The following CRHR1 variants were observed in gnomAD, a reference collection of about 807,000 sequenced individuals.
CRHR1 encodes corticotropin-releasing hormone receptor 1.
A neutral mutation model predicts 56.0 loss-of-function variants in CRHR1; 28 were observed. That is an observed-to-expected ratio of 0.50 (90% CI 0.37 to 0.69). The LOEUF (loss-of-function observed/expected upper bound fraction) is 0.69. CRHR1 is among the 30% of genes least tolerant of loss of function. The pLI, the probability that CRHR1 is intolerant of heterozygous loss-of-function variation, is 0.00. For missense variants in CRHR1, 376 were observed against 548.0 expected (o/e 0.69, Z 3.13); for synonymous variants, 195 against 216.5 (o/e 0.90, Z 0.87).
rs754433347 is a variant in CRHR1, at chr17:45,834,809, GA to G, written c.*46del. ...GCCCCCAAAGAGCTGTGGCTGGGGG[GA>G]TGACGGCCAGGCTCCCTGACCACCC... On this transcript the variant is annotated 3_prime_UTR_variant, in exon 13 of 13. Transcript: ENST00000314537. 8.7e-6 allele frequency: 14 copies of G among 1,610,618 alleles called. No homozygotes were observed. The Admixed American group carries it at 2.3e-4, about 27-fold the overall frequency.
chr17:45,785,995 AGTT>A (rs1387579737), intron 1 of CRHR1, among the ~76,000 whole-genome samples: 25 of 152,214 alleles, frequency 1.6e-4, no homozygotes, highest in Non-Finnish European at 3.1e-4. Flanking sequence ...GAGGTCGAGT[AGTT>A]GGCACTGAAT....
intron 5 of CRHR1, chr17:45,829,670 G>A (rs986901000): frequency 1.5e-5 from 23 of 1,546,792 alleles, no homozygotes; most frequent in East Asian, 2.4e-5. Context: ...CAGCACTACC[G>A]CCAAGGATGC....
intron 7 of CRHR1, 27 bp from the exon 8 acceptor site, chr17:45,830,853 C>G: frequency 6.2e-7 from 1 of 1,611,766 alleles, no homozygotes; most frequent in Non-Finnish European, 8.5e-7. Flanking sequence ...CCGCTGAGGG[C>G]TCTGTGACAG....
At chr17:45,787,816 G>A (rs938950093) in intron 1 of CRHR1, among the ~76,000 whole-genome samples, 2 of 152,176 alleles carry the variant, frequency 1.3e-5, no homozygotes, top group Admixed American at 6.5e-5. Context: ...CGAGGGGAGC[G>A]TTGGCAAGAG....
intron 1 of CRHR1, among the ~76,000 whole-genome samples, chr17:45,785,722 T>A (rs2061324507): frequency 6.6e-6 from 1 of 152,246 alleles, no homozygotes; most frequent in East Asian, 1.9e-4. Context: ...GCTTACCAAG[T>A]GGTTTGAGTT....
At chr17:45,829,800 C>G (rs1226326481) in intron 5 of CRHR1, among the ~76,000 whole-genome samples, 15 of 152,172 alleles carry the variant, frequency 9.9e-5, no homozygotes, top group East Asian at 1.9e-4. Context: ...GTAGAAGGCA[C>G]CCCCAGGGGA....
At chr17:45,803,709 G>A (rs2061664621) in intron 1 of CRHR1, among the ~76,000 whole-genome samples, 1 of 152,190 alleles carries the variant, frequency 6.6e-6, no homozygotes, top group Admixed American at 6.5e-5. Context: ...TCTTTAATTT[G>A]CCTGTGGCTG....
chr17:45,796,102 C>A (rs1258427551), intron 1 of CRHR1, among the ~76,000 whole-genome samples: 1 of 152,250 alleles, frequency 6.6e-6, no homozygotes. Flanking sequence ...TCTGCCGACA[C>A]CGAAATCCCC....
Position 45,830,114 on chromosome 17 carries a change from ACAT to A in CRHR1, c.460_462del (p.Ile154del), listed in dbSNP as rs2062262332. 2 of 1,613,928 alleles carry A rather than the reference ACAT, an allele frequency of 1.2e-6. No homozygotes were observed. Among genetic ancestry groups the A allele is most frequent in the Non-Finnish European group, 1.7e-6 (2 of 1,180,004 alleles). On this transcript the variant is annotated inframe_deletion, in exon 6 of 13. Transcript: ENST00000314537. ...ACCAGGAGCATCCGGTGCCTGCGAA[ACAT>A]CATCCACTGGAACCTCATCTCCGCC...
intron 1 of CRHR1, among the ~76,000 whole-genome samples, chr17:45,793,469 G>A (rs968308098): frequency 6.6e-6 from 1 of 152,186 alleles, no homozygotes; most frequent in African/African-American, 2.4e-5. Context: ...TCCCTCCCTG[G>A]TGCTGTCCTG....
chr17:45,824,346 G>A (rs1188037740), intron 4 of CRHR1, among the ~76,000 whole-genome samples: 1 of 152,244 alleles, frequency 6.6e-6, no homozygotes, highest in Non-Finnish European at 1.5e-5. Flanking sequence ...CATGAGGTCA[G>A]GCTGCAGGCC....
intron 2 of CRHR1, among the ~76,000 whole-genome samples, chr17:45,808,529 G>C (rs999481132): frequency 6.6e-6 from 1 of 152,338 alleles, no homozygotes; most frequent in South Asian, 2.1e-4. Context: ...TAGGGGGGCT[G>C]TTACCTGCCC....
At chr17:45,785,213 C>G (rs1419410564) in intron 1 of CRHR1, among the ~76,000 whole-genome samples, 1 of 152,260 alleles carries the variant, frequency 6.6e-6, no homozygotes, top group African/African-American at 2.4e-5. Context: ...CACCCGCGAT[C>G]CCCGCGCTGC....
At chr17:45,811,582 G>A (rs2061825590) in intron 2 of CRHR1, among the ~76,000 whole-genome samples, 1 of 152,184 alleles carries the variant, frequency 6.6e-6, no homozygotes, top group Non-Finnish European at 1.5e-5. Flanking sequence ...GACCCTGAAG[G>A]CGTCTACCTG....
intron 1 of CRHR1, among the ~76,000 whole-genome samples, chr17:45,804,297 C>T (rs1233932844): frequency 6.6e-6 from 1 of 152,058 alleles, no homozygotes; most frequent in Non-Finnish European, 1.5e-5. Flanking sequence ...GAGCTTGGTC[C>T]AGGGCAGAGA....
intron 4 of CRHR1, among the ~76,000 whole-genome samples, chr17:45,828,129 G>A (rs976862913): frequency 8.5e-5 from 13 of 152,184 alleles, no homozygotes; most frequent in African/African-American, 2.9e-4. Context: ...GTTTGACTGC[G>A]TGTCAAGCTC....
chr17:45,808,819 T>A (rs1568045603), intron 2 of CRHR1, among the ~76,000 whole-genome samples: 1 of 152,148 alleles, frequency 6.6e-6, no homozygotes, highest in African/African-American at 2.4e-5. Flanking sequence ...GCCTAATTTT[T>A]AAAATTGTTT....
intron 1 of CRHR1, among the ~76,000 whole-genome samples, chr17:45,803,904 G>T (rs2061673889): frequency 6.6e-6 from 1 of 152,228 alleles, no homozygotes; most frequent in African/African-American, 2.4e-5. Flanking sequence ...CATCTGAACT[G>T]CCCCTCTCCG....
intron 1 of CRHR1, among the ~76,000 whole-genome samples, chr17:45,805,150 C>T (rs2061696354): frequency 6.6e-6 from 1 of 151,978 alleles, no homozygotes; most frequent in Admixed American, 6.5e-5. Flanking sequence ...TCCCTTTTTG[C>T]CCCAAGCTCC....
Sources: allele counts gnomAD v4.1 joint callset (sites outside exome capture counted in the v4.1 genomes callset), GRCh38; gene constraint gnomAD v4.1.1; transcripts MANE v1.5; gene names NCBI Gene and HGNC (gene_info 2026-07-23, HGNC 2026-07-21).